The following BCAS3 variants were observed in gnomAD, a reference collection of about 807,000 sequenced individuals.
The protein encoded by BCAS3 is BCAS3 microtubule associated cell migration factor, also known as BCAS4/BCAS3 fusion.
A neutral mutation model predicts 116.1 loss-of-function variants in BCAS3; 53 were observed. The ratio of observed to expected loss-of-function variants is 0.46; its 90% CI spans 0.37 to 0.57. The LOEUF is 0.57. BCAS3 is among the 20% of genes least tolerant of loss of function. The pLI is 0.00. For missense variants in BCAS3, 917 were observed against 1,165.4 expected (o/e 0.79, Z 3.10); for synonymous variants, 391 against 408.2 (o/e 0.96, Z 0.51).
At chr17:60,752,161 T>C (rs1469286785) in intron 6 of BCAS3, among the ~76,000 whole-genome samples, 1 of 141,422 alleles carries the variant, frequency 7.1e-6, no homozygotes, top group African/African-American at 3.1e-5. Context: ...GAAGGGTGTG[T>C]GTGTGTGTGT....
chr17:61,013,935 G>A lies in BCAS3; in HGVS notation c.1487-1816G>A, dbSNP rs2065269331. Reference sequence around the variant, plus strand: ...CTCAGGCTACCATTAGATACTGTGTGGTAGTTCTCCCTCTATCCTGAATCC... The same window carrying A: ...CTCAGGCTACCATTAGATACTGTGTAGTAGTTCTCCCTCTATCCTGAATCC... On this transcript the variant is annotated intron_variant, in intron 15 of 23. Transcript: ENST00000407086. The surrounding 1 kb of genome is among the most constrained non-coding windows in gnomAD (Gnocchi z 4.4). Among the ~76,000 whole-genome samples, 1 of 152,024 alleles carries A rather than the reference G, an allele frequency of 6.6e-6. No homozygotes were observed. Among genetic ancestry groups the A allele is most frequent in the Admixed American group, 6.6e-5 (1 of 15,236 alleles).
At chr17:60,704,406 GA>G (rs1479333933) in intron 4 of BCAS3, among the ~76,000 whole-genome samples, 1 of 152,152 alleles carries the variant, frequency 6.6e-6, no homozygotes, top group Non-Finnish European at 1.5e-5. Context: ...GCCTTGGAGG[GA>G]AAAGATAAAC....
At chr17:60,698,939 C>T (rs923232154) in intron 4 of BCAS3, among the ~76,000 whole-genome samples, 37 of 152,184 alleles carry the variant, frequency 2.4e-4, no homozygotes, top group African/African-American at 8.4e-4. Flanking sequence ...CATCTGTAAT[C>T]CCAGCTGCTT....
chr17:60,829,621 A>G (rs747935596), intron 7 of BCAS3, among the ~76,000 whole-genome samples: 2 of 152,040 alleles, frequency 1.3e-5, no homozygotes, highest in African/African-American at 2.4e-5. Context: ...GAACATTTCT[A>G]TATTGCTTTT....
Position 61,096,440 on chromosome 17 carries a change from T to C in BCAS3, c.2425+11876T>C, listed in dbSNP as rs549916837. ...AGTATGGTGGTATGCACCTGTAGTC[T>C]TAGCTACCTGGGAGGCTGAGGTGGG... On this transcript the variant is annotated intron_variant, in intron 22 of 23. Coordinates refer to ENST00000407086, the MANE Select transcript of BCAS3 (RefSeq NM_017679.5). Among the ~76,000 whole-genome samples the C allele has an allele frequency of 1.4e-3, 210 of 152,310 alleles. 2 individuals carry two copies. The highest frequency in any genetic ancestry group is 2.0e-3 in the Non-Finnish European group (138 of 68,020).
At chr17:61,271,423 G>GATTTTTTTTTTTTTTTT in intron 22 of BCAS3, among the ~76,000 whole-genome samples, 1 of 6,118 alleles carries the variant, frequency 1.6e-4, no homozygotes, top group East Asian at 2.8e-3. Context: ...ACCATGCCCG[G>GATTTTTTTTTTTTTTTT]ATTTTTTTTT....
chr17:61,289,746 T>A (rs2052201821), intron 22 of BCAS3, among the ~76,000 whole-genome samples: 1 of 152,180 alleles, frequency 6.6e-6, no homozygotes, highest in African/African-American at 2.4e-5. Context: ...AAAATGATGA[T>A]CTTTCCAGTA....
chr17:60,955,440 G>A (rs2061078601), intron 14 of BCAS3, among the ~76,000 whole-genome samples: 1 of 140,586 alleles, frequency 7.1e-6, no homozygotes, highest in South Asian at 2.2e-4. Context: ...AGGCTGCAGT[G>A]CAGTGGCGCT....
intron 7 of BCAS3, among the ~76,000 whole-genome samples, chr17:60,820,205 C>T (rs1362371990): frequency 6.6e-6 from 1 of 152,004 alleles, no homozygotes; most frequent in Non-Finnish European, 1.5e-5. Flanking sequence ...GTAGCTGGGA[C>T]TACAGGCACC....
Position 61,346,930 on chromosome 17 carries a change from A to T in BCAS3, c.2426-21397A>T, listed in dbSNP as rs1340985726. ...TCTGCAGAAGGCAGTTCGTCATGTC[A>T]CTTGGTCACTTGGCACCTCTTCTCA... On this transcript the variant is annotated intron_variant, in intron 22 of 23. Coordinates refer to ENST00000407086, the MANE Select transcript of BCAS3 (RefSeq NM_017679.5). The surrounding 1 kb of genome is among the most constrained non-coding windows in gnomAD (Gnocchi z 5.4). 6.6e-6 allele frequency among the ~76,000 whole-genome samples: 1 copy of T among 152,192 alleles called. No homozygotes were observed. The highest frequency in any genetic ancestry group is 1.5e-5 in the Non-Finnish European group (1 of 68,038).
At position 61,189,123 on chromosome 17, in the gene BCAS3, A is replaced by AAGAG. The variant is rs754656266; in HGVS notation, c.2425+104573_2425+104576dup. Among the ~76,000 whole-genome samples the AAGAG allele has an allele frequency of 2.0e-5, 3 of 151,638 alleles. 1 individual carries two copies. The highest frequency in any genetic ancestry group is 2.0e-4 in the Admixed American group (3 of 15,204). On this transcript the variant is annotated intron_variant, in intron 22 of 23. Coordinates refer to ENST00000407086, the MANE Select transcript of BCAS3 (RefSeq NM_017679.5). This position sits in a 1 kb window ranked among gnomAD's most constrained non-coding sequence, Gnocchi z 4.5. ...GCCTGAAAACAAAACAAAACAAAAAAAGAGAGAGAGAGAGAGAACAGCACA... is the reference window on the plus strand; with the variant it reads ...GCCTGAAAACAAAACAAAACAAAAAAAGAGAGAGAGAGAGAGAGAGAACAGCACA...
chr17:60,957,701 A>G (rs990179388), intron 14 of BCAS3, among the ~76,000 whole-genome samples: 2 of 152,058 alleles, frequency 1.3e-5, no homozygotes, highest in African/African-American at 4.8e-5. Flanking sequence ...CTGCTCCCCT[A>G]TATACTTGGA....
chr17:61,322,812 G>GAGAGAGAGAGAGAC (rs2055360457), intron 22 of BCAS3, among the ~76,000 whole-genome samples: 7 of 131,360 alleles, frequency 5.3e-5, no homozygotes, highest in Non-Finnish European at 5.0e-5. Flanking sequence ...GAGAGAGAGA[G>GAGAGAGAGAGAGAC]AGAGAGAGAG....
intron 14 of BCAS3, among the ~76,000 whole-genome samples, chr17:60,972,394 CT>C (rs1484591052): frequency 6.6e-6 from 1 of 150,892 alleles, no homozygotes; most frequent in East Asian, 1.9e-4. Context: ...GGAAGCTACC[CT>C]TTGCATAAGG....
In BCAS3 at chr17:61,339,552, G is replaced by A. The variant is rs2056984150; in HGVS notation, c.2426-28775G>A. ...AGGCCAAGGTGAGCAGATCACCTGA[G>A]GTCAGGAGTTCGAGACCAGCCTAGC... is the stretch of plus-strand genomic sequence containing the variant. On this transcript the variant is annotated intron_variant, in intron 22 of 23. Coordinates refer to ENST00000407086, the MANE Select transcript of BCAS3 (RefSeq NM_017679.5). The surrounding 1 kb of genome is among the most constrained non-coding windows in gnomAD (Gnocchi z 4.4). 6.6e-6 allele frequency among the ~76,000 whole-genome samples: 1 copy of A among 152,134 alleles called. No individual in the cohort carries two copies. The highest frequency in any genetic ancestry group is 1.5e-5 in the Non-Finnish European group (1 of 68,028).
chr17:61,083,817 T>C lies in BCAS3; in HGVS notation c.2328-650T>C, dbSNP rs1438884410. 3.3e-5 allele frequency among the ~76,000 whole-genome samples: 5 copies of C among 152,044 alleles called. No individual in the cohort carries two copies. Among genetic ancestry groups the C allele is most frequent in the African/African-American group, 7.2e-5 (3 of 41,408 alleles). ...CACCGTGTTAGCCAGGATGGATGTT[T>C]ATTATTCTTAAGCAACTTTAAATTG... On this transcript the variant is annotated intron_variant, in intron 21 of 23. Coordinates refer to ENST00000407086, the MANE Select transcript of BCAS3 (RefSeq NM_017679.5). The surrounding 1 kb of genome is among the most constrained non-coding windows in gnomAD (Gnocchi z 4.9).
Position 60,750,399 on chromosome 17 carries a change from T to C in BCAS3, c.403+3120T>C, listed in dbSNP as rs371082561. Among the ~76,000 whole-genome samples the C allele has an allele frequency of 7.2e-4, 109 of 152,334 alleles. 1 individual carries two copies. In the South Asian group the frequency reaches 0.016, roughly 22 times the overall value. On this transcript the variant is annotated intron_variant, in intron 6 of 23. Coordinates refer to ENST00000407086, the MANE Select transcript of BCAS3 (RefSeq NM_017679.5). The stretch of plus-strand genomic sequence containing the variant: ...AAGCATCATACTCAGTGTTGATATA[T>C]TGAATGCTTTCCTGCTGAGTTCAGG...
intron 13 of BCAS3, among the ~76,000 whole-genome samples, chr17:60,937,099 C>T (rs2059972841): frequency 6.6e-6 from 1 of 152,086 alleles, no homozygotes; most frequent in Admixed American, 6.6e-5. Flanking sequence ...TTTCCCAGCA[C>T]CATTTATTAA....
At chr17:60,740,327 C>G (rs1369787992) in intron 5 of BCAS3, among the ~76,000 whole-genome samples, 1 of 151,544 alleles carries the variant, frequency 6.6e-6, no homozygotes, top group African/African-American at 2.4e-5. Flanking sequence ...AACCTCATCT[C>G]TACAAAAACA....
Sources: allele counts gnomAD v4.1 joint callset (sites outside exome capture counted in the v4.1 genomes callset), GRCh38; gene constraint gnomAD v4.1.1; non-coding constraint Gnocchi (gnomAD v3.1); transcripts MANE v1.5; gene names NCBI Gene and HGNC (gene_info 2026-07-23, HGNC 2026-07-21).